Variants in TRIM3 observed in about 807,000 individuals in gnomAD.
The protein encoded by TRIM3 is tripartite motif-containing protein 3.
TRIM3 carries 13 observed loss-of-function variants against 66.6 expected under a neutral mutation model. The ratio of observed to expected loss-of-function variants is 0.20; its 90% CI spans 0.13 to 0.31. The LOEUF (loss-of-function observed/expected upper bound fraction) is 0.31. Ranked by LOEUF, TRIM3 falls within the 10% of genes least tolerant of loss-of-function variation. The pLI is 1.00. For missense variants in TRIM3, 711 were observed against 1,020.4 expected (o/e 0.70, Z 4.13); for synonymous variants, 406 against 411.7 (o/e 0.99, Z 0.17).
In TRIM3 at chr11:6,456,403, G is replaced by A. The variant is rs756964309; in HGVS notation, c.1323C>T (p.Pro441=). ...VKRRVKSPGG[P]GSHVRQKAVR... ...CTGCCTTCTGGCGCACATGGCTGCC[G>A]GGGCCGCCAGGGGACTTGACACGGC... is the stretch of plus-strand genomic sequence containing the variant. The change falls in exon 6 of 12, where the codon CCC becomes CCT. Residue 441 remains proline (P), a synonymous_variant. Transcript: ENST00000345851. This position sits in a 1 kb window ranked among gnomAD's most constrained non-coding sequence, Gnocchi z 6.4. 24 of 1,529,484 alleles carry A rather than the reference G, an allele frequency of 1.6e-5. No individual in the cohort carries two copies. The highest frequency in any genetic ancestry group is 7.7e-5 in the South Asian group (6 of 78,360). 94.7% of individuals were successfully genotyped at this position (1,529,484 alleles called of 1,614,324 possible). A position where few individuals can be genotyped will look rare whatever the true frequency, so the allele number is the denominator to read the frequency against.
chr11:6,454,155 G>A (rs1849864538), intron 7 of TRIM3, among the ~76,000 whole-genome samples: 1 of 152,126 alleles, frequency 6.6e-6, no homozygotes, highest in Non-Finnish European at 1.5e-5. Context: ...AAGGCAGGAG[G>A]ATAGCTTGAG....
chr11:6,459,226 A>T (rs1850120108), intron 2 of TRIM3, among the ~76,000 whole-genome samples: 1 of 152,256 alleles, frequency 6.6e-6, no homozygotes, highest in Non-Finnish European at 1.5e-5. Context: ...AGTATGAATA[A>T]GCAACTGTAA....
intron 1 of TRIM3, among the ~76,000 whole-genome samples, chr11:6,467,864 G>A (rs12419488): frequency 0.018 from 2,675 of 152,330 alleles, 52 homozygotes; most frequent in Middle Eastern, 0.031. Context: ...GGCAAGCTGT[G>A]AGAATTGAAG....
rs1275093517 is a variant in TRIM3 at position 6,457,942 on chromosome 11, A to AC, written c.364-96dup. On this transcript the variant is annotated intron_variant, in intron 3 of 11. Coordinates refer to ENST00000345851, the MANE Select transcript of TRIM3 (RefSeq NM_033278.4). This position sits in a 1 kb window ranked among gnomAD's most constrained non-coding sequence, Gnocchi z 4.5. ...TCCCTGCCCCTCACCTTCTAAGTGC[A>AC]CCCCCTACCTGGACCACTAATCCAG... 1.1e-5 allele frequency: 17 copies of AC among 1,559,790 alleles called. No individual in the cohort carries two copies. Among genetic ancestry groups the AC allele is most frequent in the Non-Finnish European group, 1.5e-5 (17 of 1,148,082 alleles).
rs751309783 is a variant in TRIM3 at position 6,457,367 on chromosome 11, C to G, written c.625G>C (p.Glu209Gln). Residue 209 changes from glutamate (E) to glutamine (Q), a missense_variant, in exon 5 of 12, where the codon GAG becomes CAG. This residue lies in a region of TRIM3 where 399 missense variants were observed against 458.1 expected (regional missense o/e 0.87). Transcript: ENST00000345851. This position sits in a 1 kb window ranked among gnomAD's most constrained non-coding sequence, Gnocchi z 4.5. ...AQISAAFEDL[E>Q]QALQQRKQAL... is the part of the protein sequence containing the mutation. ...TGCTTGCGCTGCTGCAGTGCTTGCT[C>G]CAGGTCCTCGAACGCTGCACTGATC... 4.3e-6 allele frequency: 7 copies of G among 1,613,940 alleles called. No individual in the cohort carries two copies. The South Asian group carries it at 7.7e-5, about 18-fold the overall frequency.
At position 6,457,061 on chromosome 11, in the gene TRIM3, A is replaced by C. The variant is rs757983865; in HGVS notation, c.697-32T>G. ...AGGGGTAGGGGAGGAGTGGGTGAGC[A>C]GACTGGCACAGGGGGAGTCTCTGTG... is the stretch of plus-strand genomic sequence containing the variant. On this transcript the variant is annotated intron_variant, in intron 5 of 11. Coordinates refer to ENST00000345851, the MANE Select transcript of TRIM3 (RefSeq NM_033278.4). This position sits in a 1 kb window ranked among gnomAD's most constrained non-coding sequence, Gnocchi z 4.5. The C allele has an allele frequency of 4.5e-6, 7 of 1,564,946 alleles. No homozygotes were observed. In the African/African-American group the frequency reaches 9.4e-5, roughly 21 times the overall value.
chr11:6,458,388 C>A lies in TRIM3; in HGVS notation c.132-92G>T. On this transcript the variant is annotated intron_variant, in intron 2 of 11. Coordinates refer to ENST00000345851, the MANE Select transcript of TRIM3 (RefSeq NM_033278.4). This position sits in a 1 kb window ranked among gnomAD's most constrained non-coding sequence, Gnocchi z 6.2. ...TCCCATGGGTGCCAACCCCTTCCCT[C>A]ACAGGTGTGCCATTACACTTCATTT... The A allele has an allele frequency of 9.9e-7, 1 of 1,009,190 alleles. No individual in the cohort carries two copies. The highest frequency in any genetic ancestry group is 1.5e-5 in the South Asian group (1 of 64,824). The allele number at this position is 1,009,190 out of a possible 1,614,324, so 62.5% of individuals were successfully genotyped here. A position where few individuals can be genotyped will look rare whatever the true frequency, so the allele number is the denominator to read the frequency against.
chr11:6,462,358 G>A (rs1850283397), intron 2 of TRIM3, among the ~76,000 whole-genome samples: 1 of 152,128 alleles, frequency 6.6e-6, no homozygotes, highest in Non-Finnish European at 1.5e-5. Flanking sequence ...ACTGGATTCA[G>A]ATCTCAGCTA....
In TRIM3 at chr11:6,450,219, C is replaced by T; in HGVS notation, c.1941+332G>A. 3.5e-6 allele frequency: 1 copy of T among 283,628 alleles called. No homozygotes were observed. The highest frequency in any genetic ancestry group is 8.2e-5 in the South Asian group (1 of 12,136). The allele number at this position is 283,628 out of a possible 1,614,324, so 17.6% of individuals were successfully genotyped here. A position where few individuals can be genotyped will look rare whatever the true frequency, so the allele number is the denominator to read the frequency against. Reference sequence around the variant, plus strand: ...TGAGGTCCTCCTCATATAGTCTTTCCTGAATCATACACTTCTGTATCCCTT... The same window carrying T: ...TGAGGTCCTCCTCATATAGTCTTTCTTGAATCATACACTTCTGTATCCCTT... On this transcript the variant is annotated intron_variant, in intron 10 of 11. Coordinates refer to ENST00000345851, the MANE Select transcript of TRIM3 (RefSeq NM_033278.4). The surrounding 1 kb of genome is among the most constrained non-coding windows in gnomAD (Gnocchi z 4.8).
At chr11:6,452,049 A>C (rs1466856001) in intron 7 of TRIM3, 1 of 153,150 alleles carries the variant, frequency 6.5e-6, no homozygotes, top group Non-Finnish European at 1.5e-5. Flanking sequence ...GCTTGGACCA[A>C]GGAAATTGGC....
Position 6,456,609 on chromosome 11 carries a change from G to A in TRIM3, c.1117C>T (p.Arg373Cys), listed in dbSNP as rs1483594508. The A allele has an allele frequency of 3.1e-6, 5 of 1,612,754 alleles. No individual in the cohort carries two copies. In the Admixed American group the frequency reaches 5.0e-5, roughly 16 times the overall value. The change falls in exon 6 of 12, where the codon CGC becomes TGC. Residue 373 changes from arginine to cysteine, a missense_variant. Physicochemically the swap from Arg to Cys is radical, Grantham distance 180. This residue lies in a region of TRIM3 where 399 missense variants were observed against 458.1 expected (regional missense o/e 0.87). Coordinates refer to ENST00000345851, the MANE Select transcript of TRIM3 (RefSeq NM_033278.4). The surrounding 1 kb of genome is among the most constrained non-coding windows in gnomAD (Gnocchi z 6.4). ...RAEITGPDGTRLPVPVVDHKN... is the reference protein window; with the variant it reads ...RAEITGPDGTCLPVPVVDHKN... Reference sequence around the variant, plus strand: ...TGGTCCACCACTGGCACCGGAAGGCGCGTGCCGTCCGGGCCGGTGATCTCT... The same window carrying A: ...TGGTCCACCACTGGCACCGGAAGGCACGTGCCGTCCGGGCCGGTGATCTCT...
chr11:6,450,347 C>T lies in TRIM3; in HGVS notation c.1941+204G>A, dbSNP rs1325425314. On this transcript the variant is annotated intron_variant, in intron 10 of 11. Transcript: ENST00000345851. This position sits in a 1 kb window ranked among gnomAD's most constrained non-coding sequence, Gnocchi z 4.8. ...CTACTAGACTATAATCAAGAAGACACAGAATACATTTGCTTTGTGCATCAC... is the reference window on the plus strand; with the variant it reads ...CTACTAGACTATAATCAAGAAGACATAGAATACATTTGCTTTGTGCATCAC... The T allele has an allele frequency of 3.4e-6, 2 of 583,450 alleles. No homozygotes were observed. Among genetic ancestry groups the T allele is most frequent in the Non-Finnish European group, 6.1e-6 (2 of 327,666 alleles). The allele number at this position is 583,450 out of a possible 1,614,324, so 36.1% of individuals were successfully genotyped here. A position where few individuals can be genotyped will look rare whatever the true frequency, so the allele number is the denominator to read the frequency against.
chr11:6,456,984 T>C lies in TRIM3; in HGVS notation c.742A>G (p.Ile248Val). Residue 248 changes from isoleucine to valine, a missense_variant, in exon 6 of 12, where the codon ATC (isoleucine) becomes GTC (valine). This residue lies in a region of TRIM3 where 399 missense variants were observed against 458.1 expected (regional missense o/e 0.87). Transcript: ENST00000345851. The surrounding 1 kb of genome is among the most constrained non-coding windows in gnomAD (Gnocchi z 6.4). ...LDTLRQGQEHIGSSCSFAEQA... is the reference protein window; with the variant it reads ...LDTLRQGQEHVGSSCSFAEQA... ...TCTGCAAAGCTGCAGCTACTGCCGA[T>C]GTGTTCCTGACCCTGGCGCAGTGTG... 2 of 1,606,118 alleles carry C rather than the reference T, an allele frequency of 1.2e-6. No homozygotes were observed. Among genetic ancestry groups the C allele is most frequent in the Non-Finnish European group, 8.5e-7 (1 of 1,177,774 alleles).
At chr11:6,471,560 G>C (rs1850687138) in intron 1 of TRIM3, among the ~76,000 whole-genome samples, 1 of 152,200 alleles carries the variant, frequency 6.6e-6, no homozygotes, top group Non-Finnish European at 1.5e-5. Context: ...CACACTGTGG[G>C]CCAGGTCCTT....
chr11:6,448,744 TG>T lies in TRIM3; in HGVS notation c.*283del. The T allele has an allele frequency of 1.6e-6, 1 of 611,692 alleles. No individual in the cohort carries two copies. Among genetic ancestry groups the T allele is most frequent in the Non-Finnish European group, 2.9e-6 (1 of 344,388 alleles). 37.9% of individuals were successfully genotyped at this position (611,692 alleles called of 1,614,324 possible). On this transcript the variant is annotated 3_prime_UTR_variant, in exon 12 of 12. Transcript: ENST00000345851. ...GCTGTTCTGGCCCCAGGCTGGGGGA[TG>T]GGGAGCAGACTGACAGGGGTGGGGA...
chr11:6,454,840 G>A (rs757495139), intron 7 of TRIM3, among the ~76,000 whole-genome samples: 7 of 152,262 alleles, frequency 4.6e-5, no homozygotes, highest in African/African-American at 9.6e-5. Flanking sequence ...GAGCTGGATC[G>A]ATGACATGAG....
chr11:6,451,497 C>G lies in TRIM3; in HGVS notation c.1534-59G>C. The stretch of plus-strand genomic sequence containing the variant: ...GGAGGGGAGACACTGTGGGCACAGA[C>G]AGAAGGGAGTAGGATCCTGAGGGAG... On this transcript the variant is annotated intron_variant, in intron 7 of 11. Transcript: ENST00000345851. 4.4e-6 allele frequency: 7 copies of G among 1,582,746 alleles called. No homozygotes were observed. In the South Asian group the frequency reaches 6.8e-5, roughly 15 times the overall value.
chr11:6,462,687 C>A (rs1252531195), intron 2 of TRIM3, among the ~76,000 whole-genome samples: 1 of 152,094 alleles, frequency 6.6e-6, no homozygotes, highest in Non-Finnish European at 1.5e-5. Context: ...GCTGGGATTA[C>A]AGGCATGAGC....
intron 7 of TRIM3, among the ~76,000 whole-genome samples, chr11:6,453,709 A>G (rs1019792531): frequency 6.6e-6 from 1 of 152,222 alleles, no homozygotes; most frequent in African/African-American, 2.4e-5. Flanking sequence ...TATACAAATC[A>G]AATTATTAAT....
Sources: gnomAD v4.1 joint callset for allele counts (sites outside exome capture counted in the v4.1 genomes callset) on GRCh38, gnomAD v4.1.1 for gene constraint, gnomAD v4.1.1 regional missense constraint, Gnocchi (gnomAD v3.1) non-coding constraint, MANE v1.5 for transcripts, NCBI Gene and HGNC (gene_info 2026-07-23, HGNC 2026-07-21) for gene names.